ARIH1: variants seen among roughly 807,000 people sequenced by gnomAD.
ARIH1 encodes the protein ariadne RBR E3 ubiquitin protein ligase 1, also known as E3 ubiquitin-protein ligase ARIH1.
In ARIH1, 8 loss-of-function variants were observed where a neutral mutation model predicts 85.0. The observed-to-expected ratio is 0.09, with a 90% CI of 0.06 to 0.17. The LOEUF is 0.17. Among genes scored for constraint, ARIH1 ranks in the 10% least tolerant of loss-of-function variants. The pLI is 1.00. For synonymous variants in ARIH1, 238 were observed against 253.6 expected, an observed-to-expected ratio of 0.94 and a Z score of 0.59; for missense variants, 311 against 718.1, an observed-to-expected ratio of 0.43 and a Z score of 6.48.
At position 72,601,821 on chromosome 15, in the gene ARIH1, G is replaced by T. The variant is rs1258734814; in HGVS notation, c.*18529G>T. 1 of 152,058 alleles carries T rather than the reference G, an allele frequency of 6.6e-6. No individual in the cohort carries two copies. Among genetic ancestry groups the T allele is most frequent in the Non-Finnish European group, 1.5e-5 (1 of 68,024 alleles). The allele number at this position is 152,058 out of a possible 1,614,324, so 9.4% of individuals were successfully genotyped here. A position where few individuals can be genotyped will look rare whatever the true frequency, so the allele number is the denominator to read the frequency against. On this transcript the variant is annotated 3_prime_UTR_variant, in exon 14 of 14. Coordinates refer to ENST00000379887, the MANE Select transcript of ARIH1 (RefSeq NM_005744.5). ...TAGAGTAAAAAGTCTTCTCTTCCCT[G>T]TCCCCCCGCTACCCAGTTCTCCTCT...
At chr15:72,479,997 A>G (rs1054002569) in intron 1 of ARIH1, among the ~76,000 whole-genome samples, 4 of 151,858 alleles carry the variant, frequency 2.6e-5, no homozygotes, top group Non-Finnish European at 4.4e-5. Flanking sequence ...CCTCCCGAGT[A>G]GCTGGGACTA....
chr15:72,507,298 A>G (rs965510060), intron 1 of ARIH1, among the ~76,000 whole-genome samples: 1 of 152,202 alleles, frequency 6.6e-6, no homozygotes, highest in African/African-American at 2.4e-5. Flanking sequence ...TGCTGGGATT[A>G]CAGGCGTGAG....
At chr15:72,529,150 A>G (rs1206792316) in intron 2 of ARIH1, among the ~76,000 whole-genome samples, 1 of 151,956 alleles carries the variant, frequency 6.6e-6, no homozygotes, top group Admixed American at 6.6e-5. Flanking sequence ...CAGTGAGCCG[A>G]GATCCACCAC....
At chr15:72,547,036 G>A (rs1389758272) in intron 3 of ARIH1, among the ~76,000 whole-genome samples, 2 of 149,756 alleles carry the variant, frequency 1.3e-5, no homozygotes, top group African/African-American at 5.0e-5. Flanking sequence ...CATGCCATTC[G>A]CCTGCCTCAG....
intron 3 of ARIH1, among the ~76,000 whole-genome samples, chr15:72,554,777 AG>A: frequency 6.6e-6 from 1 of 152,196 alleles, no homozygotes; most frequent in Non-Finnish European, 1.5e-5. Context: ...TGTTTGAGAC[AG>A]GGTCTCACTC....
rs746488791 is a variant in ARIH1, at chr15:72,488,480, C to T, written c.375+13466C>T. On this transcript the variant is annotated intron_variant, in intron 1 of 13. Transcript: ENST00000379887. ...GTTCTTCTCTACCTTTCCTGTGCTTCCTTATCTATGTTTGAATAGTGCTTC... is the reference window on the plus strand; with the variant it reads ...GTTCTTCTCTACCTTTCCTGTGCTTTCTTATCTATGTTTGAATAGTGCTTC... Among the ~76,000 whole-genome samples the T allele has an allele frequency of 4.7e-4, 72 of 152,146 alleles. 1 individual carries two copies. The highest frequency in any genetic ancestry group is 9.4e-4 in the Non-Finnish European group (64 of 68,026).
intron 9 of ARIH1, among the ~76,000 whole-genome samples, chr15:72,567,558 G>GT (rs1214003372): frequency 6.6e-6 from 1 of 152,110 alleles, no homozygotes; most frequent in African/African-American, 2.4e-5. Flanking sequence ...TTACATTTTT[G>GT]TTTCTAATTT....
At chr15:72,487,536 T>A (rs1361446003) in intron 1 of ARIH1, among the ~76,000 whole-genome samples, 1 of 152,218 alleles carries the variant, frequency 6.6e-6, no homozygotes, top group Non-Finnish European at 1.5e-5. Context: ...TACTTGAAAC[T>A]CAAATTTAAT....
rs994570324 is a variant in ARIH1, at chr15:72,583,603, G to A, written c.*311G>A. On this transcript the variant is annotated 3_prime_UTR_variant, in exon 14 of 14. Coordinates refer to ENST00000379887, the MANE Select transcript of ARIH1 (RefSeq NM_005744.5). ...CCTTTTTTTTCTTTTTCCTTTTCCT[G>A]AGTGTAGTACAGTTAAAATTTCAAA... 4 of 254,932 alleles carry A rather than the reference G, an allele frequency of 1.6e-5. No homozygotes were observed. Among genetic ancestry groups the A allele is most frequent in the Middle Eastern group, 1.3e-3 (1 of 780 alleles). 15.8% of individuals were successfully genotyped at this position (254,932 alleles called of 1,614,324 possible).
rs1167993396 is a variant in ARIH1, at chr15:72,552,777, GT to G, written c.589-2479del. On this transcript the variant is annotated intron_variant, in intron 3 of 13. Coordinates refer to ENST00000379887, the MANE Select transcript of ARIH1 (RefSeq NM_005744.5). The stretch of plus-strand genomic sequence containing the variant: ...ACAGGGATGGGAATGAGGGAGGCCT[GT>G]TTTTTTTTTTTTTTGAGACAGAGTC... Among the ~76,000 whole-genome samples the G allele has an allele frequency of 4.2e-3, 581 of 139,860 alleles. 5 individuals are homozygous for G. Among genetic ancestry groups the G allele is most frequent in the East Asian group, 4.8e-3 (23 of 4,830 alleles). 91.8% of individuals were successfully genotyped at this position (139,860 alleles called of 152,430 possible).
intron 1 of ARIH1, chr15:72,496,645 GGTA>G (rs2063881452): frequency 5.4e-6 from 1 of 184,214 alleles, no homozygotes; most frequent in Non-Finnish European, 1.0e-5. Flanking sequence ...ACCAAGTTCA[GGTA>G]TTTTACTATG....
intron 9 of ARIH1, among the ~76,000 whole-genome samples, chr15:72,568,938 C>G (rs991014823): frequency 2.6e-5 from 4 of 152,074 alleles, no homozygotes; most frequent in African/African-American, 7.2e-5. Flanking sequence ...GGGAGAGTTA[C>G]AAACCTCAAT....
chr15:72,523,783 G>A (rs561713949), intron 2 of ARIH1, among the ~76,000 whole-genome samples: 2 of 151,092 alleles, frequency 1.3e-5, no homozygotes, highest in Admixed American at 1.3e-4. Context: ...TTTGCTGTGA[G>A]CCTTAAACTG....
At chr15:72,554,886 T>TG (rs1435671060) in intron 3 of ARIH1, among the ~76,000 whole-genome samples, 3 of 152,126 alleles carry the variant, frequency 2.0e-5, no homozygotes, top group Non-Finnish European at 4.4e-5. Flanking sequence ...CCCAAGTAGC[T>TG]GGGACTACAG....
chr15:72,526,857 A>G (rs577023700), intron 2 of ARIH1, among the ~76,000 whole-genome samples: 277 of 106,968 alleles, frequency 2.6e-3, no homozygotes, highest in African/African-American at 7.3e-3. Flanking sequence ...TTACTGTCTA[A>G]TGCTTTTTTT....
intron 10 of ARIH1, among the ~76,000 whole-genome samples, chr15:72,570,702 G>A (rs1293573713): frequency 1.3e-5 from 2 of 152,108 alleles, no homozygotes; most frequent in Non-Finnish European, 2.9e-5. Context: ...ACCTGCAGGT[G>A]GTTTTACTCT....
In ARIH1 at chr15:72,580,983, A is replaced by C; in HGVS notation, c.1468A>C (p.Ile490Leu). Reference sequence around the variant, plus strand: ...CCTCAAAAAGAATAACCAGTCCATTATCTTTGAGGTAGGAGTAGTTCTGGG... The same window carrying C: ...CCTCAAAAAGAATAACCAGTCCATTCTCTTTGAGGTAGGAGTAGTTCTGGG... ...FYLKKNNQSIIFENNQADLEN... is the reference protein window; with the variant it reads ...FYLKKNNQSILFENNQADLEN... The change falls in exon 12 of 14, where the codon ATC becomes CTC. Residue 490 changes from isoleucine to leucine, a missense_variant. Ile to Leu is a conservative substitution (Grantham distance 5, BLOSUM62 2). This residue lies in a region of ARIH1 where 50 missense variants were observed against 311.7 expected (regional missense o/e 0.16). Coordinates refer to ENST00000379887, the MANE Select transcript of ARIH1 (RefSeq NM_005744.5). 1 of 1,613,482 alleles carries C rather than the reference A, an allele frequency of 6.2e-7. No homozygotes were observed.
chr15:72,492,677 A>T (rs2140397130), intron 1 of ARIH1, among the ~76,000 whole-genome samples: 1 of 152,294 alleles, frequency 6.6e-6, no homozygotes, highest in African/African-American at 2.4e-5. Flanking sequence ...CATTGGCCCT[A>T]AAAATGTTGT....
At chr15:72,544,993 C>T (rs200248700) in intron 3 of ARIH1, 29 bp downstream of exon 3, 68 of 1,509,774 alleles carry the variant, frequency 4.5e-5, no homozygotes, top group Middle Eastern at 1.8e-4. Context: ...AAGGCTAGTG[C>T]TGACTTTGTA....
Sources: allele counts gnomAD v4.1 joint callset (sites outside exome capture counted in the v4.1 genomes callset), GRCh38; gene constraint gnomAD v4.1.1; regional missense constraint gnomAD v4.1.1; transcripts MANE v1.5; gene names NCBI Gene and HGNC (gene_info 2026-07-23, HGNC 2026-07-21).